Variants in COLEC12 observed in about 807,000 individuals in gnomAD.
COLEC12 encodes collectin subfamily member 12.
Under a neutral mutation model 71.1 loss-of-function variants are expected in COLEC12, and 33 were observed. The ratio of observed to expected loss-of-function variants is 0.46; its 90% CI spans 0.35 to 0.62. The LOEUF is 0.62. Among genes scored for constraint, COLEC12 ranks in the 20% least tolerant of loss-of-function variants. The pLI is 0.00. For synonymous variants in COLEC12, 350 were observed against 353.0 expected (o/e 0.99, Z 0.10); for missense variants, 765 against 916.1 (o/e 0.84, Z 2.13).
chr18:370,628 T>C (rs1340364323), intron 2 of COLEC12, among the ~76,000 whole-genome samples: 1 of 152,236 alleles, frequency 6.6e-6, no homozygotes, highest in Non-Finnish European at 1.5e-5. Flanking sequence ...TCATTGCTTA[T>C]TATTCTTTAA....
intron 8 of COLEC12, among the ~76,000 whole-genome samples, chr18:329,445 TA>T (rs1306324457): frequency 1.3e-5 from 2 of 152,192 alleles, no homozygotes; most frequent in Non-Finnish European, 1.5e-5. Flanking sequence ...TTGTCTTTTT[TA>T]AAAAACAGTC....
At chr18:425,498 G>A (rs1441766557) in intron 2 of COLEC12, among the ~76,000 whole-genome samples, 1 of 152,108 alleles carries the variant, frequency 6.6e-6, no homozygotes, top group Admixed American at 6.6e-5. Flanking sequence ...CCCAATTCCT[G>A]CAAATTCCTG....
chr18:396,029 G>T (rs1288135701), intron 2 of COLEC12, among the ~76,000 whole-genome samples: 1 of 152,192 alleles, frequency 6.6e-6, no homozygotes, highest in Non-Finnish European at 1.5e-5. Context: ...GCTGCCCCAG[G>T]CTCTTGGTGC....
intron 1 of COLEC12, among the ~76,000 whole-genome samples, chr18:490,899 C>T (rs1917607924): frequency 6.6e-6 from 1 of 152,230 alleles, no homozygotes; most frequent in Admixed American, 6.5e-5. Context: ...TCCATGCTGG[C>T]CCACTGGCGC....
chr18:335,297 C>T, intron 5 of COLEC12, 67 bp from the exon 6 acceptor site: 3 of 1,507,852 alleles, frequency 2.0e-6, no homozygotes, highest in South Asian at 2.5e-5. Context: ...AATAATTTTT[C>T]TTCTTATAAA....
chr18:340,308 G>A (rs558986140), intron 5 of COLEC12, among the ~76,000 whole-genome samples: 1 of 152,178 alleles, frequency 6.6e-6, no homozygotes, highest in Admixed American at 6.5e-5. Flanking sequence ...CCACGCGGCT[G>A]GTAAAGCTGT....
At chr18:354,284 T>C (rs1391887755) in intron 3 of COLEC12, among the ~76,000 whole-genome samples, 1 of 152,224 alleles carries the variant, frequency 6.6e-6, no homozygotes, top group African/African-American at 2.4e-5. Context: ...TCACGACCAC[T>C]GCACAGACCC....
intron 2 of COLEC12, chr18:423,866 C>T (rs1598358791): frequency 6.6e-6 from 1 of 152,108 alleles, no homozygotes; most frequent in East Asian, 1.9e-4. Flanking sequence ...AGACCAGTCT[C>T]TCCTTCCCAA....
rs78544555 is a variant in COLEC12 at position 341,257 on chromosome 18, G to C, written c.1327+5038C>G. ...ACTAGACAGACCTGAGTTTGGCACT[G>C]TCTGCCATTTACTAGTTGTTTGGCC... On this transcript the variant is annotated intron_variant, in intron 5 of 9. Transcript: ENST00000400256. Among the ~76,000 whole-genome samples, 1,072 of 152,342 alleles carry C rather than the reference G, an allele frequency of 7.0e-3. 11 individuals are homozygous for C. Among genetic ancestry groups the C allele is most frequent in the Non-Finnish European group, 8.1e-3 (553 of 68,036 alleles).
intron 2 of COLEC12, among the ~76,000 whole-genome samples, chr18:469,484 G>A (rs755158135): frequency 3.9e-5 from 6 of 152,124 alleles, no homozygotes; most frequent in Non-Finnish European, 7.4e-5. Flanking sequence ...GGTAGTAAAC[G>A]TCACATCACT....
intron 2 of COLEC12, among the ~76,000 whole-genome samples, chr18:369,392 TTTTTA>T (rs1475723552): frequency 4.9e-5 from 7 of 143,072 alleles, no homozygotes; most frequent in African/African-American, 1.6e-4. Flanking sequence ...GATCTTTTTT[TTTTTA>T]TTTTTTTTTA....
At chr18:404,983 T>G (rs1915757798) in intron 2 of COLEC12, among the ~76,000 whole-genome samples, 1 of 152,150 alleles carries the variant, frequency 6.6e-6, no homozygotes, top group Non-Finnish European at 1.5e-5. Context: ...GGGAAAGGAA[T>G]GCATTCCTGG....
At chr18:320,503 T>C (rs142143361) in intron 9 of COLEC12, among the ~76,000 whole-genome samples, 1 of 152,354 alleles carries the variant, frequency 6.6e-6, no homozygotes, top group Non-Finnish European at 1.5e-5. Context: ...TGAATGGCAA[T>C]ACGGATAATT....
At chr18:367,082 G>A (rs1338611427) in intron 2 of COLEC12, among the ~76,000 whole-genome samples, 1 of 152,168 alleles carries the variant, frequency 6.6e-6, no homozygotes, top group African/African-American at 2.4e-5. Flanking sequence ...GTGGGTCTCG[G>A]CACTTTCAAA....
chr18:348,237 C>T, intron 3 of COLEC12, 74 bp from the exon 4 acceptor site: 2 of 916,784 alleles, frequency 2.2e-6, no homozygotes, highest in Non-Finnish European at 3.5e-6. Context: ...AACAAGAGAT[C>T]ATTTCATTAT....
intron 2 of COLEC12, among the ~76,000 whole-genome samples, chr18:414,840 G>C (rs1324328699): frequency 6.6e-6 from 1 of 152,200 alleles, no homozygotes; most frequent in Non-Finnish European, 1.5e-5. Context: ...TGCTTCTCTA[G>C]AACTGCTGAT....
At chr18:473,366 T>C (rs376549726) in intron 2 of COLEC12, among the ~76,000 whole-genome samples, 1 of 65,026 alleles carries the variant, frequency 1.5e-5, no homozygotes, top group Non-Finnish European at 4.0e-5. Flanking sequence ...TCAAATCTCT[T>C]TTTTTTATTT....
At chr18:401,625 G>A (rs1420256646) in intron 2 of COLEC12, among the ~76,000 whole-genome samples, 1 of 152,210 alleles carries the variant, frequency 6.6e-6, no homozygotes, top group African/African-American at 2.4e-5. Context: ...CAGTGTTCTG[G>A]CCTTTGATTC....
chr18:436,553 T>C (rs1405324405), intron 2 of COLEC12, among the ~76,000 whole-genome samples: 10 of 147,206 alleles, frequency 6.8e-5, no homozygotes, highest in Non-Finnish European at 1.5e-4. Context: ...CAGGGGTGGC[T>C]TTCTGGAATT....
Sources: gnomAD v4.1 joint callset for allele counts (sites outside exome capture counted in the v4.1 genomes callset) on GRCh38, gnomAD v4.1.1 for gene constraint, MANE v1.5 for transcripts, NCBI Gene and HGNC (gene_info 2026-07-23, HGNC 2026-07-21) for gene names.